ARHGAP44: variants seen among roughly 807,000 people sequenced by gnomAD.
ARHGAP44 encodes rho GTPase-activating protein 44.
A neutral mutation model predicts 106.8 loss-of-function variants in ARHGAP44; 43 were observed. The observed-to-expected ratio is 0.40, with a 90% CI of 0.32 to 0.52. The LOEUF (loss-of-function observed/expected upper bound fraction) is 0.52, where lower values mean the gene tolerates loss of function less well. Among genes scored for constraint, ARHGAP44 ranks in the 20% least tolerant of loss-of-function variants. The pLI is 0.48. For missense variants in ARHGAP44, 866 were observed against 1,050.5 expected (o/e 0.82, Z 2.43); for synonymous variants, 439 against 410.3 (o/e 1.07, Z -0.85).
chr17:12,802,110 T>C (rs1283737192), intron 1 of ARHGAP44, among the ~76,000 whole-genome samples: 1 of 152,230 alleles, frequency 6.6e-6, no homozygotes, highest in African/African-American at 2.4e-5. Context: ...TAGTCTGCCA[T>C]TGGAAAATGA....
intron 1 of ARHGAP44, among the ~76,000 whole-genome samples, chr17:12,806,063 T>G (rs941238530): frequency 2.6e-5 from 4 of 152,200 alleles, no homozygotes; most frequent in Admixed American, 6.5e-5. Context: ...TATAAGTCCT[T>G]TATTCCTGAA....
intron 19 of ARHGAP44, chr17:12,980,760 G>A (rs1457424719): frequency 6.5e-6 from 1 of 153,300 alleles, no homozygotes; most frequent in Non-Finnish European, 1.5e-5. Flanking sequence ...AAAGCTAAAG[G>A]TATGCTCCAT....
At chr17:12,857,476 A>T (rs1449424119) in intron 1 of ARHGAP44, among the ~76,000 whole-genome samples, 2 of 152,142 alleles carry the variant, frequency 1.3e-5, no homozygotes, top group Non-Finnish European at 2.9e-5. Context: ...TCATCTTATA[A>T]AGCCACCAGT....
chr17:12,977,996 GCAC>G (rs1410761000), intron 18 of ARHGAP44, among the ~76,000 whole-genome samples: 3 of 125,850 alleles, frequency 2.4e-5, no homozygotes, highest in African/African-American at 9.1e-5. Context: ...TGAGATCATG[GCAC>G]TATACTCCAG....
chr17:12,881,946 C>CA (rs2036750905), intron 1 of ARHGAP44, among the ~76,000 whole-genome samples: 3 of 152,176 alleles, frequency 2.0e-5, no homozygotes, highest in African/African-American at 7.2e-5. Context: ...AGTGATCCTC[C>CA]TGCCTCAGCC....
chr17:12,864,849 A>G (rs2036188449), intron 1 of ARHGAP44, among the ~76,000 whole-genome samples: 1 of 152,234 alleles, frequency 6.6e-6, no homozygotes, highest in African/African-American at 2.4e-5. Flanking sequence ...ATGTGCTAAA[A>G]GAAGATCACT....
At chr17:12,880,629 A>G (rs943187238) in intron 1 of ARHGAP44, among the ~76,000 whole-genome samples, 1 of 151,600 alleles carries the variant, frequency 6.6e-6, no homozygotes, top group African/African-American at 2.4e-5. Flanking sequence ...CAATTTCTTT[A>G]TTCTCCTCTC....
At chr17:12,971,478 C>T (rs2039525951) in intron 16 of ARHGAP44, among the ~76,000 whole-genome samples, 1 of 152,166 alleles carries the variant, frequency 6.6e-6, no homozygotes, top group African/African-American at 2.4e-5. Context: ...AAATCCTCAC[C>T]AACCATTGCA....
At chr17:12,854,628 A>C (rs1044964703) in intron 1 of ARHGAP44, among the ~76,000 whole-genome samples, 1 of 152,218 alleles carries the variant, frequency 6.6e-6, no homozygotes, top group African/African-American at 2.4e-5. Flanking sequence ...CAGGTCACAG[A>C]ACAGTGCAGA....
chr17:12,914,332 T>A (rs2037836827), intron 4 of ARHGAP44, among the ~76,000 whole-genome samples: 1 of 152,198 alleles, frequency 6.6e-6, no homozygotes, highest in Non-Finnish European at 1.5e-5. Context: ...CTAGTGAAAT[T>A]TCCAAACATG....
intron 1 of ARHGAP44, among the ~76,000 whole-genome samples, chr17:12,832,125 G>A (rs1027206783): frequency 1.3e-5 from 2 of 152,204 alleles, no homozygotes; most frequent in Non-Finnish European, 2.9e-5. Flanking sequence ...TTCCTGCAGA[G>A]CCAGCTGAAT....
chr17:12,937,970 A>G (rs1447310708), intron 7 of ARHGAP44, among the ~76,000 whole-genome samples: 1 of 152,048 alleles, frequency 6.6e-6, no homozygotes, highest in East Asian at 1.9e-4. Context: ...GTGTGGTGGC[A>G]TGTCCCTGTA....
chr17:12,957,620 T>C (rs2039162191), intron 15 of ARHGAP44, among the ~76,000 whole-genome samples: 1 of 152,100 alleles, frequency 6.6e-6, no homozygotes, highest in Non-Finnish European at 1.5e-5. Context: ...TGCTTCAAAA[T>C]TAGGCTCTGA....
rs143969768 is a variant in ARHGAP44, at chr17:12,893,006, G to A, written c.54-1934G>A. Reference sequence around the variant, plus strand: ...TGAGTTTTTTTTTCTGCTTCTTGGTGTGATGAGTAACTGAAATCTGGATAT... The same window carrying A: ...TGAGTTTTTTTTTCTGCTTCTTGGTATGATGAGTAACTGAAATCTGGATAT... On this transcript the variant is annotated intron_variant, in intron 1 of 20. Transcript: ENST00000379672. Among the ~76,000 whole-genome samples, 14 of 151,542 alleles carry A rather than the reference G, an allele frequency of 9.2e-5. No homozygotes were observed. The East Asian group carries it at 1.7e-3, about 19-fold the overall frequency.
intron 18 of ARHGAP44, among the ~76,000 whole-genome samples, chr17:12,976,405 G>A (rs1326348235): frequency 1.2e-4 from 18 of 152,018 alleles, no homozygotes; most frequent in Admixed American, 1.2e-3. Context: ...CTGAGGTCAG[G>A]AGCTCGTGAC....
intron 1 of ARHGAP44, among the ~76,000 whole-genome samples, chr17:12,828,628 T>TTC (rs2034992551): frequency 7.0e-6 from 1 of 142,154 alleles, no homozygotes; most frequent in African/African-American, 2.9e-5. Flanking sequence ...TTGGATTTTT[T>TTC]TTTCTTTCTT....
At chr17:12,894,914 G>C in intron 1 of ARHGAP44, 26 bp from the exon 2 acceptor site, 1 of 1,569,796 alleles carries the variant, frequency 6.4e-7, no homozygotes, top group Non-Finnish European at 8.7e-7. Flanking sequence ...TTTTGTTACT[G>C]ATATGTTTCT....
chr17:12,840,747 T>G (rs2035367051), intron 1 of ARHGAP44, among the ~76,000 whole-genome samples: 2 of 152,148 alleles, frequency 1.3e-5, no homozygotes, highest in Admixed American at 1.3e-4. Context: ...GAGCGGAGAT[T>G]CATGTCATAG....
At chr17:12,954,063 T>G (rs907921769) in intron 13 of ARHGAP44, among the ~76,000 whole-genome samples, 4 of 65,230 alleles carry the variant, frequency 6.1e-5, no homozygotes, top group Admixed American at 1.9e-4. Context: ...AATTTTTGTG[T>G]TTTTTTTTTT....
Sources: allele counts gnomAD v4.1 joint callset (sites outside exome capture counted in the v4.1 genomes callset), GRCh38; gene constraint gnomAD v4.1.1; transcripts MANE v1.5; gene names NCBI Gene and HGNC (gene_info 2026-07-23, HGNC 2026-07-21).